Variants in HDLBP observed in about 807,000 individuals in gnomAD.
The protein encoded by HDLBP is vigilin.
In HDLBP, 30 loss-of-function variants were observed where a neutral mutation model predicts 137.3. The ratio of observed to expected loss-of-function variants is 0.22; its 90% CI spans 0.16 to 0.30. The LOEUF (loss-of-function observed/expected upper bound fraction) is 0.30. Ranked by LOEUF, HDLBP falls within the 10% of genes least tolerant of loss-of-function variation. The pLI, the probability that HDLBP is intolerant of heterozygous loss-of-function variation, is 1.00. For synonymous variants in HDLBP, 606 were observed against 596.0 expected, an observed-to-expected ratio of 1.02 and a Z score of -0.24; for missense variants, 1,119 against 1,667.3, an observed-to-expected ratio of 0.67 and a Z score of 5.73.
chr2:241,271,600 C>CT (rs1574989284), intron 1 of HDLBP, among the ~76,000 whole-genome samples: 1 of 152,332 alleles, frequency 6.6e-6, no homozygotes, highest in East Asian at 1.9e-4. Flanking sequence ...GTTTTGCCAA[C>CT]TACATATTCA....
At chr2:241,291,545 T>C (rs1014960069) in intron 1 of HDLBP, among the ~76,000 whole-genome samples, 35 of 152,190 alleles carry the variant, frequency 2.3e-4, no homozygotes, top group South Asian at 8.3e-4. Flanking sequence ...TCCTAAACAC[T>C]GATAAAGGAA....
At chr2:241,262,208 T>C (rs1381661230) in intron 5 of HDLBP, among the ~76,000 whole-genome samples, 3 of 152,226 alleles carry the variant, frequency 2.0e-5, no homozygotes, top group Non-Finnish European at 4.4e-5. Flanking sequence ...GTGAACATAC[T>C]AGCAAAGCAA....
At chr2:241,235,376 C>T in intron 22 of HDLBP, 114 bp downstream of exon 22, 5 of 1,501,766 alleles carry the variant, frequency 3.3e-6, no homozygotes, top group Non-Finnish European at 4.6e-6. Flanking sequence ...AAGTCAGTGC[C>T]CAGTCCGAGC....
At chr2:241,283,000 G>A (rs1410384897) in intron 1 of HDLBP, among the ~76,000 whole-genome samples, 1 of 152,148 alleles carries the variant, frequency 6.6e-6, no homozygotes, top group Non-Finnish European at 1.5e-5. Flanking sequence ...CCAAAAGCTA[G>A]GCCTCTTGCA....
intron 14 of HDLBP, 131 bp downstream of exon 14, chr2:241,247,872 T>C (rs1338237006): frequency 1.6e-6 from 1 of 641,928 alleles, no homozygotes; most frequent in Non-Finnish European, 2.8e-6. Flanking sequence ...GTCCCTGAGA[T>C]GGAAGGCCAG....
intron 24 of HDLBP, among the ~76,000 whole-genome samples, chr2:241,231,593 C>T (rs2069758375): frequency 6.6e-6 from 1 of 152,174 alleles, no homozygotes; most frequent in African/African-American, 2.4e-5. Flanking sequence ...CAGCTTCCTG[C>T]TTCTTTGCCC....
chr2:241,295,613 T>C (rs1236002046), intron 1 of HDLBP, among the ~76,000 whole-genome samples: 1 of 152,202 alleles, frequency 6.6e-6, no homozygotes, highest in Non-Finnish European at 1.5e-5. Context: ...ACATCTGTGA[T>C]AGGCTGAAAA....
chr2:241,229,784 G>GGGCCCCCC, intron 27 of HDLBP, 49 bp downstream of exon 27: 3 of 1,502,530 alleles, frequency 2.0e-6, no homozygotes, highest in Non-Finnish European at 2.7e-6. Flanking sequence ...AAGCCCGCCT[G>GGGCCCCCC]CCCGCCCACC....
intron 1 of HDLBP, among the ~76,000 whole-genome samples, chr2:241,300,345 C>T (rs569406821): frequency 2.6e-4 from 40 of 152,232 alleles, no homozygotes; most frequent in African/African-American, 7.5e-4. Flanking sequence ...CTAGGCAAAT[C>T]GGAGTAACCC....
At chr2:241,294,712 G>A (rs2075118121) in intron 1 of HDLBP, among the ~76,000 whole-genome samples, 1 of 152,104 alleles carries the variant, frequency 6.6e-6, no homozygotes, top group Admixed American at 6.5e-5. Context: ...CTAATTAATT[G>A]ATCACTAAAT....
At chr2:241,303,939 G>GC (rs1376964402) in intron 1 of HDLBP, among the ~76,000 whole-genome samples, 4 of 152,144 alleles carry the variant, frequency 2.6e-5, no homozygotes, top group Non-Finnish European at 5.9e-5. Context: ...CTCCTGAGTA[G>GC]CTGGGACCAC....
At chr2:241,235,313 A>G (rs1445342665) in intron 22 of HDLBP, 58 bp from the exon 23 acceptor site, 1 of 1,611,482 alleles carries the variant, frequency 6.2e-7, no homozygotes, top group Non-Finnish European at 8.5e-7. Context: ...GAAAGAGTCC[A>G]TTGGCCCTGG....
At chr2:241,242,908 G>A (rs568430151) in intron 16 of HDLBP, 101 of 559,352 alleles carry the variant, frequency 1.8e-4, no homozygotes, top group Non-Finnish European at 1.2e-4. Flanking sequence ...GGCGCGCTGG[G>A]AGGTGTTTAA....
chr2:241,304,333 G>C (rs2075498381), intron 1 of HDLBP, among the ~76,000 whole-genome samples: 1 of 152,224 alleles, frequency 6.6e-6, no homozygotes, highest in Non-Finnish European at 1.5e-5. Context: ...ATGAAGAGGG[G>C]AGTTAGTCCA....
At chr2:241,271,681 G>A (rs2074048230) in intron 1 of HDLBP, among the ~76,000 whole-genome samples, 2 of 152,216 alleles carry the variant, frequency 1.3e-5, no homozygotes, top group African/African-American at 4.8e-5. Flanking sequence ...CTCAGTTAAT[G>A]AGACCCGCAA....
At chr2:241,249,109 G>A (rs1197084142) in intron 12 of HDLBP, among the ~76,000 whole-genome samples, 2 of 152,138 alleles carry the variant, frequency 1.3e-5, no homozygotes, top group African/African-American at 2.4e-5. Flanking sequence ...AAGGCCACAA[G>A]CAGTGGGAGG....
chr2:241,242,759 T>G (rs2071368916), intron 16 of HDLBP, 81 bp from the exon 17 acceptor site: 1 of 1,212,820 alleles, frequency 8.2e-7, no homozygotes, highest in Non-Finnish European at 1.2e-6. Context: ...CTATCATCTT[T>G]GGTGGTGATG....
intron 14 of HDLBP, chr2:241,247,456 A>G: frequency 2.7e-6 from 1 of 365,192 alleles, no homozygotes; most frequent in Non-Finnish European, 5.1e-6. Context: ...GCTCTGGGCA[A>G]TTCTGCACTC....
rs1036721875 is a variant in HDLBP, at chr2:241,269,693, T to C, written c.-102-1152A>G. On this transcript the variant is annotated intron_variant, in intron 1 of 27. Transcript: ENST00000310931. ...TAAAAGCATCACCAAAATTCTAGTT[T>C]GCAAGTTTTAAAGATTAAAGTAAGA... 2.6e-5 allele frequency: 4 copies of C among 152,166 alleles called. No individual in the cohort carries two copies. The East Asian group carries it at 7.7e-4, about 29-fold the overall frequency. 9.4% of individuals were successfully genotyped at this position (152,166 alleles called of 1,614,324 possible).
Sources: allele counts gnomAD v4.1 joint callset (sites outside exome capture counted in the v4.1 genomes callset), GRCh38; gene constraint gnomAD v4.1.1; transcripts MANE v1.5; gene names NCBI Gene and HGNC (gene_info 2026-07-23, HGNC 2026-07-21).